ANXA4: variants seen among roughly 807,000 people sequenced by gnomAD.
ANXA4 encodes annexin A4, also known as 35-beta calcimedin.
In ANXA4, 39 loss-of-function variants were observed where a neutral mutation model predicts 49.8. The ratio of observed to expected loss-of-function variants is 0.78; its 90% CI spans 0.61 to 1.02. The LOEUF (loss-of-function observed/expected upper bound fraction) is 1.02, where lower values mean the gene tolerates loss of function less well. Ranked by LOEUF, ANXA4 falls within the 50% of genes least tolerant of loss-of-function variation. The pLI is 0.00. For missense variants in ANXA4, 360 were observed against 410.1 expected, an observed-to-expected ratio of 0.88 and a Z score of 1.05; for synonymous variants, 134 against 152.5, an observed-to-expected ratio of 0.88 and a Z score of 0.89.
At chr2:69,803,233 T>G (rs917208868) in intron 3 of ANXA4, among the ~76,000 whole-genome samples, 5 of 151,126 alleles carry the variant, frequency 3.3e-5, no homozygotes, top group African/African-American at 1.2e-4. Context: ...GTCCCCAAGG[T>G]ATGTAAACTT....
intron 2 of ANXA4, among the ~76,000 whole-genome samples, chr2:69,680,618 A>G (rs566283515): frequency 6.6e-6 from 1 of 152,238 alleles, no homozygotes; most frequent in Admixed American, 6.5e-5. Flanking sequence ...TTCCCCATTC[A>G]GTATGATGTT....
At chr2:69,649,924 ATTTTTTTTTTTT>A (rs35212855) in intron 1 of ANXA4, among the ~76,000 whole-genome samples, 4 of 52,038 alleles carry the variant, frequency 7.7e-5, no homozygotes, top group East Asian at 7.9e-4. Context: ...GCCTGGCCTG[ATTTTTTTTTTTT>A]TTTTTTTTTT....
chr2:69,709,781 A>G (rs1678618376), intron 2 of ANXA4, among the ~76,000 whole-genome samples: 1 of 152,184 alleles, frequency 6.6e-6, no homozygotes, highest in African/African-American at 2.4e-5. Flanking sequence ...TAGTATCACG[A>G]ATCATTATGC....
At chr2:69,793,250 CAA>C (rs70954360) in intron 3 of ANXA4, among the ~76,000 whole-genome samples, 4 of 128,536 alleles carry the variant, frequency 3.1e-5, no homozygotes, top group Admixed American at 1.6e-4. Flanking sequence ...GACTCCATCT[CAA>C]AAAAAAAAAA....
chr2:69,685,350 A>G lies in ANXA4; in HGVS notation n.766+32068A>G, dbSNP rs550117793. Among the ~76,000 whole-genome samples, 10 of 147,446 alleles carry G rather than the reference A, an allele frequency of 6.8e-5. 1 individual carries two copies. The South Asian group carries it at 2.0e-3, about 29-fold the overall frequency. The stretch of plus-strand genomic sequence containing the variant: ...TTTGTTATCAGTTAGACATTTAATA[A>G]AGTTTTTTTTTCATGATATTCTTTT... On this transcript the variant is annotated intron_variant and non_coding_transcript_variant, in intron 2 of 3. Coordinates refer to the ANXA4 transcript ENST00000418066.
chr2:69,649,035 T>A (rs1271969207), intron 1 of ANXA4, among the ~76,000 whole-genome samples: 6 of 151,844 alleles, frequency 4.0e-5, no homozygotes, highest in Non-Finnish European at 8.8e-5. Context: ...TACAGGCATG[T>A]GCCACCACGC....
intron 3 of ANXA4, among the ~76,000 whole-genome samples, chr2:69,734,161 C>T (rs928351104): frequency 1.5e-4 from 23 of 152,302 alleles, no homozygotes; most frequent in African/African-American, 3.6e-4. Flanking sequence ...GCTTTGCTAA[C>T]CCACTGTCCC....
At chr2:69,706,145 C>G (rs554793308) in intron 2 of ANXA4, among the ~76,000 whole-genome samples, 1 of 150,734 alleles carries the variant, frequency 6.6e-6, no homozygotes, top group African/African-American at 2.4e-5. Flanking sequence ...TTCTAAGATA[C>G]TAAGACTCTG....
At chr2:69,714,280 A>G (rs1678795172) in intron 2 of ANXA4, among the ~76,000 whole-genome samples, 1 of 146,652 alleles carries the variant, frequency 6.8e-6, no homozygotes. Flanking sequence ...AACCCCATGG[A>G]GTGGAGAAGT....
intron 2 of ANXA4, among the ~76,000 whole-genome samples, chr2:69,703,110 G>A (rs1294158072): frequency 6.6e-6 from 1 of 152,038 alleles, no homozygotes; most frequent in Non-Finnish European, 1.5e-5. Flanking sequence ...TTTCTCACCT[G>A]TAAAACATCT....
chr2:69,655,748 G>A (rs1190203172), intron 2 of ANXA4, among the ~76,000 whole-genome samples: 2 of 152,122 alleles, frequency 1.3e-5, no homozygotes, highest in Non-Finnish European at 2.9e-5. Flanking sequence ...TTGCGGCACT[G>A]TTCACAATAG....
At chr2:69,790,365 T>G (rs773389206) in intron 3 of ANXA4, among the ~76,000 whole-genome samples, 6 of 151,768 alleles carry the variant, frequency 4.0e-5, no homozygotes, top group Non-Finnish European at 7.4e-5. Context: ...TGGGGTTGAT[T>G]TAAGGGTCCC....
At chr2:69,730,563 G>T (rs1670071258) in intron 3 of ANXA4, among the ~76,000 whole-genome samples, 1 of 152,104 alleles carries the variant, frequency 6.6e-6, no homozygotes, top group South Asian at 2.1e-4. Flanking sequence ...TAAGATGGGG[G>T]TTTCTGAGGT....
At chr2:69,710,236 C>G (rs1054865164) in intron 2 of ANXA4, among the ~76,000 whole-genome samples, 1 of 152,098 alleles carries the variant, frequency 6.6e-6, no homozygotes, top group Non-Finnish European at 1.5e-5. Context: ...CTGCCCACTT[C>G]GGCCTCCCAA....
intron 2 of ANXA4, among the ~76,000 whole-genome samples, chr2:69,671,258 CCATAAAATG>C: frequency 6.6e-6 from 1 of 152,010 alleles, no homozygotes; most frequent in Admixed American, 6.6e-5. Flanking sequence ...TATAAAAATA[CCATAAAATG>C]CATAAAATGA....
intron 2 of ANXA4, among the ~76,000 whole-genome samples, chr2:69,666,152 C>T (rs1052842879): frequency 3.9e-5 from 6 of 152,122 alleles, no homozygotes; most frequent in Non-Finnish European, 2.9e-5. Flanking sequence ...TGCAGTGAGC[C>T]AAGATCACAC....
chr2:69,814,836 C>T (rs1329043499), intron 8 of ANXA4: 1 of 148,232 alleles, frequency 6.7e-6, no homozygotes, highest in Non-Finnish European at 1.5e-5. Flanking sequence ...GTACCAGGAT[C>T]TTCAGAGGGA....
intron 2 of ANXA4, among the ~76,000 whole-genome samples, chr2:69,708,749 T>G (rs941143269): frequency 6.6e-6 from 1 of 152,040 alleles, no homozygotes; most frequent in Non-Finnish European, 1.5e-5. Context: ...GAGGTCAGCT[T>G]CTTTGCCTCG....
At chr2:69,761,757 A>C (rs1383314458) in intron 1 of ANXA4, among the ~76,000 whole-genome samples, 3 of 149,002 alleles carry the variant, frequency 2.0e-5, no homozygotes, top group Non-Finnish European at 4.4e-5. Flanking sequence ...CCCGTCTGTG[A>C]CAGAGCAAGA....
Sources: allele counts gnomAD v4.1 joint callset (sites outside exome capture counted in the v4.1 genomes callset), GRCh38; gene constraint gnomAD v4.1.1; transcripts MANE v1.5; gene names NCBI Gene and HGNC (gene_info 2026-07-23, HGNC 2026-07-21).